The following VOPP1 variants were observed in gnomAD, a reference collection of about 807,000 sequenced individuals.
VOPP1 encodes the protein VOPP1 WW domain binding protein.
In VOPP1, 8 loss-of-function variants were observed where a neutral mutation model predicts 23.5. That is an observed-to-expected ratio of 0.34 (90% confidence interval 0.20 to 0.61). VOPP1 has a LOEUF of 0.61. Ranked by LOEUF, VOPP1 falls within the 20% of genes least tolerant of loss-of-function variation. VOPP1 has a pLI of 0.78. For synonymous variants in VOPP1, 83 were observed against 97.3 expected, an observed-to-expected ratio of 0.85 and a Z score of 0.86; for missense variants, 174 against 238.1, an observed-to-expected ratio of 0.73 and a Z score of 1.77.
At chr7:55,513,111 A>G (rs1795188408) in intron 2 of VOPP1, among the ~76,000 whole-genome samples, 1 of 152,230 alleles carries the variant, frequency 6.6e-6, no homozygotes, top group Non-Finnish European at 1.5e-5. Context: ...AAACTTGGGA[A>G]TAGGGCCTGA....
At chr7:55,459,993 G>A (rs138203098) in intron 4 of VOPP1, among the ~76,000 whole-genome samples, 9 of 152,156 alleles carry the variant, frequency 5.9e-5, no homozygotes, top group African/African-American at 2.2e-4. Flanking sequence ...TTGTGATATA[G>A]GCATTTAGTG....
chr7:55,449,437 G>A (rs1423927621), intron 4 of VOPP1, among the ~76,000 whole-genome samples: 1 of 152,210 alleles, frequency 6.6e-6, no homozygotes, highest in Non-Finnish European at 1.5e-5. Context: ...TTCGGGGCCT[G>A]CCGGTGCCCG....
chr7:55,501,461 C>T (rs1371709174), intron 2 of VOPP1, among the ~76,000 whole-genome samples: 2 of 152,170 alleles, frequency 1.3e-5, no homozygotes, highest in Non-Finnish European at 2.9e-5. Flanking sequence ...CATTCATCCT[C>T]GTGGAAGATT....
downstream of VOPP1, among the ~76,000 whole-genome samples, chr7:55,435,840 C>T (rs948123835): frequency 7.2e-5 from 11 of 152,208 alleles, no homozygotes. Context: ...CACACTGTGC[C>T]AGGCATTGTG....
At chr7:55,532,402 G>A (rs192089417) in intron 1 of VOPP1, among the ~76,000 whole-genome samples, 32 of 152,160 alleles carry the variant, frequency 2.1e-4, no homozygotes, top group Admixed American at 1.8e-3. Context: ...ACCACCTGGC[G>A]CATGCCCACT....
intron 1 of VOPP1, among the ~76,000 whole-genome samples, chr7:55,525,789 T>TAA (rs141901865): frequency 6.4e-5 from 5 of 77,970 alleles, no homozygotes; most frequent in African/African-American, 2.1e-4. Context: ...AAAACCTCTC[T>TAA]AAAAAAAAAA....
chr7:55,465,477 T>A (rs938575414), intron 4 of VOPP1, among the ~76,000 whole-genome samples: 1 of 152,206 alleles, frequency 6.6e-6, no homozygotes, highest in African/African-American at 2.4e-5. Flanking sequence ...ACATGGAGAA[T>A]GTCTCAAGAA....
intron 1 of VOPP1, among the ~76,000 whole-genome samples, chr7:55,538,990 T>C (rs1180218222): frequency 1.5e-5 from 2 of 133,674 alleles, no homozygotes; most frequent in Middle Eastern, 4.3e-3. Flanking sequence ...TGAGAAGGTA[T>C]TGGGGAGGGA....
intron 2 of VOPP1, among the ~76,000 whole-genome samples, chr7:55,501,318 C>T (rs1794351859): frequency 6.6e-6 from 1 of 152,248 alleles, no homozygotes; most frequent in African/African-American, 2.4e-5. Flanking sequence ...TTTCAGCAGA[C>T]ATCCACACAC....
rs1012564762 is a variant in VOPP1 at position 55,470,855 on chromosome 7, A to G, written c.*2000T>C. ...GGCCAGGAAATGTCACCGAAGTGGG[A>G]CTTCCATATGCAGGATCAGCGTTCA... On this transcript the variant is annotated 3_prime_UTR_variant, in exon 5 of 5. Coordinates refer to ENST00000285279, the MANE Select transcript of VOPP1 (RefSeq NM_030796.5). The G allele has an allele frequency of 3.3e-5, 5 of 152,108 alleles. No individual in the cohort carries two copies. Among genetic ancestry groups the G allele is most frequent in the Admixed American group, 6.6e-5 (1 of 15,254 alleles). The allele number at this position is 152,108 out of a possible 1,614,324, so 9.4% of individuals were successfully genotyped here.
At chr7:55,466,907 G>A (rs2129004955), downstream of VOPP1, among the ~76,000 whole-genome samples, 1 of 152,314 alleles carries the variant, frequency 6.6e-6, no homozygotes, top group East Asian at 1.9e-4. Flanking sequence ...TTAAGCAGTG[G>A]TCCCAGCCTT....
intron 4 of VOPP1, among the ~76,000 whole-genome samples, chr7:55,436,665 T>TGCGTGCGTGTGC (rs975966274): frequency 1.3e-5 from 2 of 151,604 alleles, no homozygotes; most frequent in Non-Finnish European, 2.9e-5. Context: ...TGTGCGTGTG[T>TGCGTGCGTGTGC]GCGTGCGTGT....
intron 1 of VOPP1, chr7:55,521,682 C>A: frequency 1.0e-6 from 1 of 987,146 alleles, no homozygotes; most frequent in Non-Finnish European, 1.2e-6. Flanking sequence ...CCTGGGCTTT[C>A]CAGGTAAGTC....
intron 4 of VOPP1, among the ~76,000 whole-genome samples, chr7:55,487,959 G>A (rs576191303): frequency 2.6e-4 from 40 of 152,294 alleles, no homozygotes; most frequent in African/African-American, 9.4e-4. Context: ...TAAAGAGCAG[G>A]GAGGATTCTC....
chr7:55,455,937 G>C (rs570642160), intron 4 of VOPP1, among the ~76,000 whole-genome samples: 11 of 152,074 alleles, frequency 7.2e-5, no homozygotes, highest in African/African-American at 2.6e-4. Context: ...GGCAACAAAA[G>C]CCAAAATAGA....
chr7:55,516,672 A>G (rs1419158145), intron 2 of VOPP1, among the ~76,000 whole-genome samples: 1 of 152,190 alleles, frequency 6.6e-6, no homozygotes, highest in African/African-American at 2.4e-5. Context: ...TGCAACCTAG[A>G]TGTTCCCTCC....
chr7:55,445,182 GCTCT>G (rs147403072), intron 4 of VOPP1, among the ~76,000 whole-genome samples: 4,121 of 151,028 alleles, frequency 0.027, 183 homozygotes, highest in African/African-American at 0.094. Flanking sequence ...TCTTTCTTTT[GCTCT>G]CTCTCTCACT....
intron 2 of VOPP1, among the ~76,000 whole-genome samples, chr7:55,507,197 G>A (rs1470813718): frequency 2.6e-5 from 4 of 152,184 alleles, no homozygotes; most frequent in Non-Finnish European, 5.9e-5. Flanking sequence ...GTGGCTCTCA[G>A]CACAGGCTCA....
At chr7:55,553,062 G>C (rs1442008024) in intron 1 of VOPP1, among the ~76,000 whole-genome samples, 2 of 152,324 alleles carry the variant, frequency 1.3e-5, no homozygotes, top group Admixed American at 1.3e-4. Flanking sequence ...AATGACAAAT[G>C]CTTGACAATA....
Sources: allele counts gnomAD v4.1 joint callset (sites outside exome capture counted in the v4.1 genomes callset), GRCh38; gene constraint gnomAD v4.1.1; transcripts MANE v1.5; gene names NCBI Gene and HGNC (gene_info 2026-07-23, HGNC 2026-07-21).